Variants in SPDYA observed in about 807,000 individuals in gnomAD.
SPDYA encodes the protein speedy/RINGO cell cycle regulator family member A.
In SPDYA, 11 loss-of-function variants were observed where a neutral mutation model predicts 36.7. That is an observed-to-expected ratio of 0.30 (90% confidence interval 0.19 to 0.50). The LOEUF (loss-of-function observed/expected upper bound fraction) is 0.50, where lower values mean the gene tolerates loss of function less well. SPDYA is among the 20% of genes least tolerant of loss of function. SPDYA has a pLI of 0.98. For synonymous variants in SPDYA, 115 were observed against 118.7 expected (o/e 0.97, Z 0.20); for missense variants, 287 against 370.9 (o/e 0.77, Z 1.86).
intron 2 of SPDYA, among the ~76,000 whole-genome samples, chr2:28,815,283 AACACACACACACACACACACACACACAC>A (rs55773017): frequency 7.3e-6 from 1 of 136,928 alleles, no homozygotes; most frequent in Admixed American, 7.5e-5. Flanking sequence ...CCCTGTCTGA[AACACACACACACACACACACACACACAC>A]ACACACACAC....
chr2:28,812,685 C>T (rs1365161554), intron 1 of SPDYA, among the ~76,000 whole-genome samples: 1 of 151,748 alleles, frequency 6.6e-6, no homozygotes, highest in Non-Finnish European at 1.5e-5. Flanking sequence ...GGCGAAACCC[C>T]ATCTCTACTG....
At chr2:28,818,922 A>C (rs1572490660) in intron 3 of SPDYA, 126 bp from the exon 4 acceptor site, 1 of 697,708 alleles carries the variant, frequency 1.4e-6, no homozygotes, top group East Asian at 2.7e-5. Flanking sequence ...CACCTTAGGC[A>C]ACACTGGTTC....
intron 3 of SPDYA, among the ~76,000 whole-genome samples, chr2:28,817,290 G>A (rs1279828286): frequency 6.6e-6 from 1 of 152,104 alleles, no homozygotes; most frequent in Non-Finnish European, 1.5e-5. Context: ...GCCTGGGCGC[G>A]GTGGCTCACG....
intron 6 of SPDYA, among the ~76,000 whole-genome samples, chr2:28,832,069 C>T (rs892608584): frequency 5.3e-5 from 8 of 152,232 alleles, no homozygotes; most frequent in African/African-American, 1.7e-4. Context: ...GCTACCACTA[C>T]ATTTCTCTGC....
Position 28,816,229 on chromosome 2 carries a change from C to T in SPDYA, c.215C>T (p.Thr72Ile), listed in dbSNP as rs905385171. ...CTGGTTATACAGCGTCAGGATATGA[C>T]TGCTTTCTTTAAATTATTTGGTAGG... ...PCLVIQRQDM[T>I]AFFKLFDDDL... Residue 72 changes from threonine to isoleucine, a missense_variant, in exon 3 of 8, where the codon ACT (threonine) becomes ATT (isoleucine). Coordinates refer to ENST00000334056, the MANE Select transcript of SPDYA (RefSeq NM_182756.4). 6.2e-7 allele frequency: 1 copy of T among 1,602,260 alleles called. No individual in the cohort carries two copies. Among genetic ancestry groups the T allele is most frequent in the Non-Finnish European group, 8.5e-7 (1 of 1,176,714 alleles).
intron 4 of SPDYA, among the ~76,000 whole-genome samples, chr2:28,819,472 C>T (rs1668078330): frequency 6.6e-6 from 1 of 151,984 alleles, no homozygotes; most frequent in African/African-American, 2.4e-5. Flanking sequence ...TGTGCCACTG[C>T]ATTCCAGCTT....
At chr2:28,819,206 AT>A in intron 4 of SPDYA, 100 bp downstream of exon 4, 1 of 924,994 alleles carries the variant, frequency 1.1e-6, no homozygotes. Context: ...CTTATTAGTT[AT>A]GATTAAGAAA....
At chr2:28,816,511 G>T (rs901940904) in intron 3 of SPDYA, among the ~76,000 whole-genome samples, 2 of 151,718 alleles carry the variant, frequency 1.3e-5, no homozygotes, top group East Asian at 3.9e-4. Flanking sequence ...TGTAAATTCT[G>T]GGCAATTCAA....
At chr2:28,841,153 C>T (rs1430658201) in intron 7 of SPDYA, among the ~76,000 whole-genome samples, 2 of 151,920 alleles carry the variant, frequency 1.3e-5, no homozygotes, top group African/African-American at 4.8e-5. Flanking sequence ...AGGCCGGTCT[C>T]GAACTCCTGG....
At position 28,819,863 on chromosome 2, in the gene SPDYA, T is replaced by A. The variant is rs1173065874; in HGVS notation, c.294+757T>A. ...AAAAAAAAAAAAATATATATATATA[T>A]ATATATATATATATATATATATATA... On this transcript the variant is annotated intron_variant, in intron 4 of 7. Coordinates refer to ENST00000334056, the MANE Select transcript of SPDYA (RefSeq NM_182756.4). Among the ~76,000 whole-genome samples the A allele has an allele frequency of 1.7e-3, 9 of 5,324 alleles. 1 individual carries two copies. Among genetic ancestry groups the A allele is most frequent in the Non-Finnish European group, 2.7e-3 (8 of 2,946 alleles). 3.5% of individuals were successfully genotyped at this position (5,324 alleles called of 152,430 possible). A position where few individuals can be genotyped will look rare whatever the true frequency, so the allele number is the denominator to read the frequency against.
chr2:28,836,085 T>C (rs986697188), intron 6 of SPDYA, among the ~76,000 whole-genome samples: 2 of 152,250 alleles, frequency 1.3e-5, no homozygotes, highest in East Asian at 3.8e-4. Flanking sequence ...AATAATACTT[T>C]ACATTTGCAC....
chr2:28,842,985 C>T (rs1465339733), intron 7 of SPDYA, among the ~76,000 whole-genome samples: 1 of 90,452 alleles, frequency 1.1e-5, no homozygotes, highest in Non-Finnish European at 2.3e-5. Flanking sequence ...CTGAATTCAG[C>T]ATTCTCCAAG....
At chr2:28,834,188 C>A (rs1447274062) in intron 6 of SPDYA, among the ~76,000 whole-genome samples, 8 of 151,110 alleles carry the variant, frequency 5.3e-5, no homozygotes, top group Non-Finnish European at 8.8e-5. Context: ...TACTTCACAC[C>A]CACTATGATG....
In SPDYA at chr2:28,839,111, A is replaced by G. The variant is rs1465798224; in HGVS notation, c.553-1061A>G. Among the ~76,000 whole-genome samples, 6 of 152,354 alleles carry G rather than the reference A, an allele frequency of 3.9e-5. No homozygotes were observed. In the East Asian group the frequency reaches 1.2e-3, roughly 29 times the overall value. ...TGATGATTTTACTCATCTAGTCCTC[A>G]GAATAATCCTGTGAAGTAGATGATA... On this transcript the variant is annotated intron_variant, in intron 6 of 7. Transcript: ENST00000334056.
chr2:28,837,395 C>A (rs1469875379), intron 6 of SPDYA, among the ~76,000 whole-genome samples: 1 of 152,054 alleles, frequency 6.6e-6, no homozygotes, highest in Non-Finnish European at 1.5e-5. Context: ...AAACTGGATT[C>A]TTTGGGAAGA....
rs113621686 is a variant in SPDYA at position 28,825,713 on chromosome 2, T to C, written c.380+3303T>C. Among the ~76,000 whole-genome samples the C allele has an allele frequency of 4.7e-3, 719 of 152,240 alleles. 6 individuals are homozygous for C. The highest frequency in any genetic ancestry group is 0.016 in the African/African-American group (683 of 41,568). ...AAGGAACATATAACATTTTATTTCA[T>C]CTTTCAATTACTAACATATAGGAGG... is the stretch of plus-strand genomic sequence containing the variant. On this transcript the variant is annotated intron_variant, in intron 5 of 7. Coordinates refer to ENST00000334056, the MANE Select transcript of SPDYA (RefSeq NM_182756.4).
rs559849821 is a variant in SPDYA, at chr2:28,820,232, TA to T, written c.294+1130del. 1.3e-3 allele frequency among the ~76,000 whole-genome samples: 203 copies of T among 152,218 alleles called. 1 individual carries two copies. The highest frequency in any genetic ancestry group is 2.4e-3 in the Non-Finnish European group (160 of 68,020). On this transcript the variant is annotated intron_variant, in intron 4 of 7. Transcript: ENST00000334056. ...ATGTTGTTTAGGAATCAGTGTTTCA[TA>T]AAAGAATGTCTGACTTACACACTGG... is the stretch of plus-strand genomic sequence containing the variant.
At chr2:28,831,503 G>C (rs888988410) in intron 6 of SPDYA, among the ~76,000 whole-genome samples, 21 of 151,948 alleles carry the variant, frequency 1.4e-4, no homozygotes, top group African/African-American at 5.1e-4. Flanking sequence ...AAAATTAATG[G>C]AACTTGTTTT....
intron 7 of SPDYA, among the ~76,000 whole-genome samples, chr2:28,841,788 T>C (rs1668757567): frequency 6.6e-6 from 1 of 152,158 alleles, no homozygotes; most frequent in South Asian, 2.1e-4. Context: ...GGCATATTTT[T>C]TATTATGCTG....
Sources: gnomAD v4.1 joint callset for allele counts (sites outside exome capture counted in the v4.1 genomes callset) on GRCh38, gnomAD v4.1.1 for gene constraint, MANE v1.5 for transcripts, NCBI Gene and HGNC (gene_info 2026-07-23, HGNC 2026-07-21) for gene names.